CEP192: variants seen among roughly 807,000 people sequenced by gnomAD.
CEP192 encodes centrosomal protein 192, also known as centrosomal protein of 192 kDa.
CEP192 carries 151 observed loss-of-function variants against 271.8 expected under a neutral mutation model. The ratio of observed to expected loss-of-function variants is 0.56; its 90% CI spans 0.49 to 0.64. The LOEUF (loss-of-function observed/expected upper bound fraction) is 0.64, where lower values mean the gene tolerates loss of function less well. CEP192 is among the 30% of genes least tolerant of loss of function. The probability of loss-of-function intolerance (pLI) is 0.00; values close to 1 mark genes in which losing one functional copy is unlikely to be tolerated. For synonymous variants in CEP192, 995 were observed against 1,076.5 expected (o/e 0.92, Z 1.48); for missense variants, 2,910 against 3,020.5 (o/e 0.96, Z 0.86).
chr18:13,099,680 G>C (rs2039616330), intron 37 of CEP192, 99 bp downstream of exon 37: 3 of 629,936 alleles, frequency 4.8e-6, no homozygotes, highest in Non-Finnish European at 8.3e-6. Context: ...GAAATCAAAT[G>C]AAAGCGTACT....
chr18:13,010,156 TAAATA>T (rs2034251418), intron 4 of CEP192, among the ~76,000 whole-genome samples: 1 of 151,910 alleles, frequency 6.6e-6, no homozygotes, highest in Non-Finnish European at 1.5e-5. Context: ...AATAAATAAA[TAAATA>T]AAAATATAGG....
intron 6 of CEP192, among the ~76,000 whole-genome samples, chr18:13,016,366 AG>A (rs2034646849): frequency 6.6e-6 from 1 of 152,172 alleles, no homozygotes; most frequent in Admixed American, 6.5e-5. Context: ...GCAAGTTTAC[AG>A]CACCTATAGG....
intron 9 of CEP192, among the ~76,000 whole-genome samples, chr18:13,022,166 A>T (rs760538386): frequency 1.1e-4 from 16 of 152,154 alleles, no homozygotes; most frequent in Middle Eastern, 3.2e-3. Context: ...CCTTTGTCAA[A>T]GATTAGTTTG....
rs1192144849 is a variant in CEP192, at chr18:13,049,261, C to G, written c.2470C>G (p.Pro824Ala). The G allele has an allele frequency of 1.2e-6, 2 of 1,613,962 alleles. No homozygotes were observed. Among genetic ancestry groups the G allele is most frequent in the African/African-American group, 2.7e-5 (2 of 74,908 alleles). ...AGAACAAACTACTCAAGACATTCAT[C>G]CGGTGGACTTAAGTGCTACTAGTGT... Reference protein sequence around the residue: ...PKEQTTQDIHPVDLSATSVSV... With the variant: ...PKEQTTQDIHAVDLSATSVSV... The change falls in exon 16 of 45, where the codon CCG (proline) becomes GCG (alanine). Residue 824 changes from proline to alanine, a missense_variant. Physicochemically the swap from Pro to Ala is conservative, Grantham distance 27. Coordinates refer to ENST00000506447, the MANE Select transcript of CEP192 (RefSeq NM_032142.4).
chr18:12,994,548 A>T (rs752341263), intron 1 of CEP192, among the ~76,000 whole-genome samples: 2 of 152,132 alleles, frequency 1.3e-5, no homozygotes, highest in Non-Finnish European at 2.9e-5. Flanking sequence ...GGCAAGAATA[A>T]AAACATGGAA....
chr18:13,030,707 G>A, intron 11 of CEP192, 99 bp downstream of exon 11: 1 of 887,030 alleles, frequency 1.1e-6, no homozygotes. Context: ...GATCCCTTCT[G>A]GACTATCACT....
At position 13,057,568 on chromosome 18, in the gene CEP192, G is replaced by A. The variant is rs1299129752; in HGVS notation, c.4109-17G>A. Reference sequence around the variant, plus strand: ...TGCTGTAACTTGCATTTTTGACTGTGCCTTATTCTCACCCAGGGAGTGTCC... The same window carrying A: ...TGCTGTAACTTGCATTTTTGACTGTACCTTATTCTCACCCAGGGAGTGTCC... On this transcript the variant is annotated splice_polypyrimidine_tract_variant and intron_variant, in intron 19 of 44. Transcript: ENST00000506447. 2.5e-6 allele frequency: 4 copies of A among 1,610,930 alleles called. No individual in the cohort carries two copies. Among genetic ancestry groups the A allele is most frequent in the Non-Finnish European group, 3.4e-6 (4 of 1,178,482 alleles).
At chr18:13,120,069 C>G (rs1212787144) in intron 44 of CEP192, among the ~76,000 whole-genome samples, 2 of 152,178 alleles carry the variant, frequency 1.3e-5, no homozygotes, top group African/African-American at 4.8e-5. Flanking sequence ...TTTGCCTTCA[C>G]AGATTTTTTT....
At chr18:13,066,438 G>T (rs952498825) in intron 21 of CEP192, among the ~76,000 whole-genome samples, 1 of 151,998 alleles carries the variant, frequency 6.6e-6, no homozygotes, top group Non-Finnish European at 1.5e-5. Context: ...CTGATTTTTT[G>T]ATATTTAAAA....
At chr18:13,095,088 C>A (rs1160047234) in intron 34 of CEP192, among the ~76,000 whole-genome samples, 1 of 152,162 alleles carries the variant, frequency 6.6e-6, no homozygotes, top group African/African-American at 2.4e-5. Context: ...AGGTTGGACT[C>A]CTGGCCTCAA....
At chr18:13,098,314 CG>C (rs1301218662) in intron 36 of CEP192, among the ~76,000 whole-genome samples, 2 of 151,398 alleles carry the variant, frequency 1.3e-5, no homozygotes, top group Non-Finnish European at 2.9e-5. Context: ...GCTGGCCTGG[CG>C]GGGGCTGACC....
intron 40 of CEP192, among the ~76,000 whole-genome samples, chr18:13,107,499 TGAAAGCTTG>T (rs1252434684): frequency 2.6e-5 from 4 of 152,236 alleles, no homozygotes; most frequent in Non-Finnish European, 2.9e-5. Flanking sequence ...CTCAGAAATC[TGAAAGCTTG>T]GTTTTCATTA....
At chr18:13,002,283 A>AT (rs56360916) in intron 3 of CEP192, among the ~76,000 whole-genome samples, 5,504 of 147,852 alleles carry the variant, frequency 0.037, 109 homozygotes, top group Middle Eastern at 0.11. Flanking sequence ...ATGAAAATAA[A>AT]TTTTTTTTTT....
chr18:13,104,444 C>A (rs545072941), intron 39 of CEP192, among the ~76,000 whole-genome samples: 2 of 152,216 alleles, frequency 1.3e-5, no homozygotes, highest in South Asian at 2.1e-4. Flanking sequence ...AGCCATAATA[C>A]TACCAAAATG....
At chr18:13,038,841 T>A (rs927019708) in intron 13 of CEP192, among the ~76,000 whole-genome samples, 5 of 152,230 alleles carry the variant, frequency 3.3e-5, no homozygotes, top group Non-Finnish European at 5.9e-5. Flanking sequence ...TTTGTAAGAT[T>A]TAAATGTGAC....
intron 1 of CEP192, among the ~76,000 whole-genome samples, chr18:12,991,689 G>C (rs571342474): frequency 6.6e-6 from 1 of 152,262 alleles, no homozygotes; most frequent in Non-Finnish European, 1.5e-5. Flanking sequence ...ATCGGGCTTT[G>C]GCCGGGCGTG....
At chr18:12,999,722 A>G (rs1016857418) in intron 2 of CEP192, 134 bp downstream of exon 2, 3 of 549,148 alleles carry the variant, frequency 5.5e-6, no homozygotes, top group Non-Finnish European at 5.8e-6. Context: ...TGTGAAATGA[A>G]TATAGAAAAG....
At chr18:13,013,217 C>T (rs1026010216) in intron 5 of CEP192, among the ~76,000 whole-genome samples, 192 bp downstream of exon 5, 1 of 143,900 alleles carries the variant, frequency 6.9e-6, no homozygotes, top group African/African-American at 3.0e-5. Context: ...AGTGCTGGTG[C>T]CTGGGACTGT....
At chr18:13,085,459 A>G (rs2038853506) in intron 30 of CEP192, among the ~76,000 whole-genome samples, 2 of 152,158 alleles carry the variant, frequency 1.3e-5, no homozygotes, top group Admixed American at 1.3e-4. Flanking sequence ...TTAGTCATGA[A>G]GTCTTTGCCC....
Sources: gnomAD v4.1 joint callset for allele counts (sites outside exome capture counted in the v4.1 genomes callset) on GRCh38, gnomAD v4.1.1 for gene constraint, MANE v1.5 for transcripts, NCBI Gene and HGNC (gene_info 2026-07-23, HGNC 2026-07-21) for gene names.